Variants in CNTNAP2 observed in about 807,000 individuals in gnomAD.
CNTNAP2 encodes the protein contactin-associated protein-like 2.
Under a neutral mutation model 155.2 loss-of-function variants are expected in CNTNAP2, and 98 were observed. The observed-to-expected ratio is 0.63, with a 90% CI of 0.54 to 0.75. CNTNAP2 has a LOEUF of 0.75. Ranked by LOEUF, CNTNAP2 falls within the 30% of genes least tolerant of loss-of-function variation. The pLI is 0.00. For synonymous variants in CNTNAP2, 651 were observed against 631.2 expected (o/e 1.03, Z -0.47); for missense variants, 1,727 against 1,688.1 (o/e 1.02, Z -0.40).
chr7:148,379,287 G>A (rs1448927476), intron 21 of CNTNAP2, among the ~76,000 whole-genome samples: 4 of 152,092 alleles, frequency 2.6e-5, no homozygotes, highest in Admixed American at 1.3e-4. Flanking sequence ...AAAACTATAA[G>A]ATATAAAACC....
intron 1 of CNTNAP2, among the ~76,000 whole-genome samples, chr7:146,607,045 T>C (rs1799059772): frequency 6.6e-6 from 1 of 152,186 alleles, no homozygotes. Flanking sequence ...CTATTTATCT[T>C]ATTTATTCTA....
intron 3 of CNTNAP2, among the ~76,000 whole-genome samples, chr7:146,945,900 A>C (rs1281126377): frequency 6.6e-6 from 1 of 152,106 alleles, no homozygotes; most frequent in Admixed American, 6.6e-5. Context: ...AACAATCATC[A>C]CAACACTAAA....
chr7:148,271,156 G>A (rs78541692), intron 21 of CNTNAP2, among the ~76,000 whole-genome samples: 15,305 of 152,212 alleles, frequency 0.1, 942 homozygotes, highest in African/African-American at 0.17. Flanking sequence ...GCTATATGCT[G>A]TAAGTACAAT....
chr7:147,646,920 C>T lies in CNTNAP2; in HGVS notation c.2098+7614C>T, dbSNP rs118027977. ...GGTAATGGGAGGAGAAAGAAAAGAA[C>T]GCAGAAGAAAAGAAAAATACTAATT... On this transcript the variant is annotated intron_variant, in intron 13 of 23. Coordinates refer to ENST00000361727, the MANE Select transcript of CNTNAP2 (RefSeq NM_014141.6). 1.3e-3 allele frequency among the ~76,000 whole-genome samples: 193 copies of T among 151,350 alleles called. 3 individuals are homozygous for T. The East Asian group carries it at 0.028, about 22-fold the overall frequency.
chr7:148,157,865 T>C (rs1034825695), intron 17 of CNTNAP2, among the ~76,000 whole-genome samples: 3 of 152,130 alleles, frequency 2.0e-5, no homozygotes, highest in African/African-American at 7.2e-5. Context: ...CAAAAAAAAT[T>C]ACTACATTGA....
In CNTNAP2 at chr7:146,764,446, A is replaced by C. The variant is rs938939733; in HGVS notation, c.98-9825A>C. 9.9e-5 allele frequency among the ~76,000 whole-genome samples: 15 copies of C among 150,860 alleles called. No individual in the cohort carries two copies. The East Asian group carries it at 2.3e-3, about 23-fold the overall frequency. ...TTTTCCAGATTACAGCTAGGGTAAAAATTGTTTTTTATTATTTTGTGTTGT... is the reference window on the plus strand; with the variant it reads ...TTTTCCAGATTACAGCTAGGGTAAACATTGTTTTTTATTATTTTGTGTTGT... On this transcript the variant is annotated intron_variant, in intron 1 of 23. Transcript: ENST00000361727.
At chr7:147,271,032 G>C (rs1404485543) in intron 8 of CNTNAP2, among the ~76,000 whole-genome samples, 1 of 151,254 alleles carries the variant, frequency 6.6e-6, no homozygotes, top group African/African-American at 2.4e-5. Context: ...GAATGGATTT[G>C]TAGAAAATCT....
At chr7:146,256,850 A>G (rs531364216) in intron 1 of CNTNAP2, among the ~76,000 whole-genome samples, 2 of 152,258 alleles carry the variant, frequency 1.3e-5, no homozygotes, top group East Asian at 3.9e-4. Context: ...AATAAACAGT[A>G]AGCTAAAACT....
chr7:148,298,227 A>C (rs1352791456), intron 21 of CNTNAP2, among the ~76,000 whole-genome samples: 1 of 152,166 alleles, frequency 6.6e-6, no homozygotes, highest in Non-Finnish European at 1.5e-5. Flanking sequence ...GTGCTAGTGG[A>C]TGGTGGGGAG....
At chr7:146,947,577 A>G (rs1365129551) in intron 3 of CNTNAP2, among the ~76,000 whole-genome samples, 7 of 2,888 alleles carry the variant, frequency 2.4e-3, no homozygotes, top group Admixed American at 9.4e-3. Context: ...ATATATATAC[A>G]TATATATATA....
At chr7:146,276,745 A>G (rs535162042) in intron 1 of CNTNAP2, among the ~76,000 whole-genome samples, 8 of 152,278 alleles carry the variant, frequency 5.3e-5, no homozygotes, top group Admixed American at 5.2e-4. Flanking sequence ...GAGGTGAAAG[A>G]GTATGAAAGC....
chr7:146,157,331 G>C (rs562823498), intron 1 of CNTNAP2, among the ~76,000 whole-genome samples: 24 of 152,192 alleles, frequency 1.6e-4, no homozygotes, highest in Admixed American at 8.5e-4. Flanking sequence ...CTCCCAGCGT[G>C]AGCAACGCAG....
chr7:146,612,509 C>A lies in CNTNAP2; in HGVS notation c.98-161762C>A, dbSNP rs545561457. 2.0e-5 allele frequency among the ~76,000 whole-genome samples: 3 copies of A among 151,418 alleles called. No homozygotes were observed. The East Asian group carries it at 5.8e-4, about 29-fold the overall frequency. On this transcript the variant is annotated intron_variant, in intron 1 of 23. Transcript: ENST00000361727. The stretch of plus-strand genomic sequence containing the variant: ...AAGGAGTATTTTTCAGGAAATCAAG[C>A]CAGAGATTATGAGTATCCATTCTTG...
intron 13 of CNTNAP2, among the ~76,000 whole-genome samples, chr7:147,681,555 T>C (rs1795948228): frequency 6.6e-6 from 1 of 151,978 alleles, no homozygotes; most frequent in Admixed American, 6.6e-5. Flanking sequence ...TTATCTTCCA[T>C]CTTGTTTATT....
intron 13 of CNTNAP2, among the ~76,000 whole-genome samples, chr7:147,770,142 T>A (rs1797446827): frequency 6.6e-6 from 1 of 152,250 alleles, no homozygotes; most frequent in Non-Finnish European, 1.5e-5. Context: ...TCCTTATTCG[T>A]AACCATTGAA....
chr7:147,063,008 C>A (rs189292981), intron 4 of CNTNAP2, among the ~76,000 whole-genome samples: 1 of 152,122 alleles, frequency 6.6e-6, no homozygotes, highest in Non-Finnish European at 1.5e-5. Context: ...ACTGGAGTCA[C>A]GGAGCCAGAA....
At chr7:146,281,453 C>G (rs927843338) in intron 1 of CNTNAP2, among the ~76,000 whole-genome samples, 1 of 152,108 alleles carries the variant, frequency 6.6e-6, no homozygotes, top group Non-Finnish European at 1.5e-5. Flanking sequence ...GACTCTGATT[C>G]GTACCTCAGT....
intron 21 of CNTNAP2, among the ~76,000 whole-genome samples, chr7:148,352,043 C>T (rs558788798): frequency 2.2e-4 from 33 of 152,224 alleles, no homozygotes; most frequent in African/African-American, 7.2e-4. Flanking sequence ...AGAATTTGTG[C>T]GTATCTTCTC....
At chr7:146,415,486 G>A (rs1463274022) in intron 1 of CNTNAP2, among the ~76,000 whole-genome samples, 1 of 152,158 alleles carries the variant, frequency 6.6e-6, no homozygotes, top group East Asian at 1.9e-4. Flanking sequence ...AAATGACACT[G>A]TATTGGCTTT....
Sources: gnomAD v4.1 joint callset for allele counts (sites outside exome capture counted in the v4.1 genomes callset) on GRCh38, gnomAD v4.1.1 for gene constraint, MANE v1.5 for transcripts, NCBI Gene and HGNC (gene_info 2026-07-23, HGNC 2026-07-21) for gene names.